Variants in A3GALT2 observed in about 807,000 individuals in gnomAD.
A3GALT2 encodes alpha 1,3-galactosyltransferase 2.
In A3GALT2, 14 loss-of-function variants were observed where a neutral mutation model predicts 16.6. The ratio of observed to expected loss-of-function variants is 0.84; its 90% CI spans 0.56 to 1.32. The LOEUF is 1.32. A3GALT2 is among the 40% of genes most tolerant of loss of function. The pLI, the probability that A3GALT2 is intolerant of heterozygous loss-of-function variation, is 0.00. For missense variants in A3GALT2, 600 were observed against 490.9 expected (o/e 1.22, Z -2.10); for synonymous variants, 253 against 218.0 (o/e 1.16, Z -1.42).
chr1:33,307,514 C>T, intron 4 of A3GALT2, 61 bp from the exon 5 acceptor site: 1 of 1,354,046 alleles, frequency 7.4e-7, no homozygotes, highest in South Asian at 1.6e-5. Context: ...GCCTCCCCAC[C>T]TCATCTCACC....
intron 4 of A3GALT2, among the ~76,000 whole-genome samples, chr1:33,308,752 T>G (rs1646216655): frequency 1.4e-5 from 1 of 72,062 alleles, no homozygotes; most frequent in Non-Finnish European, 2.5e-5. Flanking sequence ...TCAAAGTTGT[T>G]TTTTTTTTTT....
intron 1 of A3GALT2, among the ~76,000 whole-genome samples, chr1:33,316,726 C>T (rs1646263963): frequency 1.3e-5 from 2 of 152,062 alleles, no homozygotes; most frequent in Admixed American, 6.6e-5. Flanking sequence ...GAGAAGATGC[C>T]TGGTTGTCTG....
At position 33,306,862 on chromosome 1, in the gene A3GALT2, G is replaced by C. The variant is rs1196525855; in HGVS notation, c.927C>G (p.Pro309=). The C allele has an allele frequency of 5.3e-6, 8 of 1,514,612 alleles. No homozygotes were observed. The highest frequency in any genetic ancestry group is 7.0e-6 in the Non-Finnish European group (8 of 1,137,242). 93.8% of individuals were successfully genotyped at this position (1,514,612 alleles called of 1,614,324 possible). ...WLHKPAKVLS[P]EFCWSPDIGP... ...CGATGTCCGGGCTCCAGCAGAACTC[G>C]GGCGACAGCACCTTGGCGGGCTTGT... The change falls in exon 5 of 5, where the codon CCC becomes CCG. Residue 309 remains proline, a synonymous_variant. Transcript: ENST00000442999.
At chr1:33,311,541 G>T (rs1455933178) in intron 4 of A3GALT2, among the ~76,000 whole-genome samples, 1 of 152,060 alleles carries the variant, frequency 6.6e-6, no homozygotes, top group Non-Finnish European at 1.5e-5. Flanking sequence ...CCTCTGCCCA[G>T]TTCAGATTCA....
At chr1:33,312,281 G>A in intron 3 of A3GALT2, 92 bp from the exon 4 acceptor site, 1 of 1,543,514 alleles carries the variant, frequency 6.5e-7, no homozygotes, top group Non-Finnish European at 8.8e-7. Flanking sequence ...CTGAGCCCTA[G>A]GGACCCATAG....
intron 4 of A3GALT2, 74 bp from the exon 5 acceptor site, chr1:33,307,527 T>G: frequency 3.6e-6 from 4 of 1,117,086 alleles, no homozygotes; most frequent in Non-Finnish European, 4.5e-6. Context: ...ATCTCACCTC[T>G]ACTCCCACCC....
At position 33,320,912 on chromosome 1, in the gene A3GALT2, T is replaced by C. The variant is rs543689588; in HGVS notation, c.23+164A>G. ...GATTGTCTTTCTTCTCCTGGGGCAA[T>C]GTCCCCTCTCGGAGCCACCTTTCCC... On this transcript the variant is annotated intron_variant, in intron 1 of 4. Coordinates refer to ENST00000442999, the MANE Select transcript of A3GALT2 (RefSeq NM_001080438.1). The surrounding 1 kb of genome is among the most constrained non-coding windows in gnomAD (Gnocchi z 4.3). Among the ~76,000 whole-genome samples, 1 of 152,066 alleles carries C rather than the reference T, an allele frequency of 6.6e-6. No individual in the cohort carries two copies. The highest frequency in any genetic ancestry group is 2.1e-4 in the South Asian group (1 of 4,828).
intron 1 of A3GALT2, among the ~76,000 whole-genome samples, chr1:33,316,447 A>G (rs1252510721): frequency 6.6e-6 from 1 of 152,130 alleles, no homozygotes; most frequent in African/African-American, 2.4e-5. Context: ...AAACAAAACA[A>G]AAAACCCAAA....
At chr1:33,312,937 A>C (rs1301742239) in intron 1 of A3GALT2, 47 bp from the exon 2 acceptor site, 2 of 1,385,640 alleles carry the variant, frequency 1.4e-6, no homozygotes, top group Non-Finnish European at 2.0e-6. Context: ...ATGTATAGAC[A>C]CAAATATTTA....
rs1646201259 is a variant in A3GALT2, at chr1:33,307,472, C to T, written c.336-19G>A. The stretch of plus-strand genomic sequence containing the variant: ...CAGGTATCTAAGGGCGCGGCGCCAC[C>T]GTCAGCCTGAGAGTGAAGCGAGGCG... On this transcript the variant is annotated intron_variant, in intron 4 of 4. Transcript: ENST00000442999. 6 of 1,469,120 alleles carry T rather than the reference C, an allele frequency of 4.1e-6. No individual in the cohort carries two copies. The highest frequency in any genetic ancestry group is 2.0e-4 in the Middle Eastern group (1 of 4,914). 91.0% of individuals were successfully genotyped at this position (1,469,120 alleles called of 1,614,324 possible).
intron 4 of A3GALT2, among the ~76,000 whole-genome samples, chr1:33,308,430 C>A (rs1002403746): frequency 6.6e-6 from 1 of 152,010 alleles, no homozygotes; most frequent in Non-Finnish European, 1.5e-5. Flanking sequence ...TTTGAGATAG[C>A]GTTTCGCTCC....
chr1:33,317,302 T>G (rs957975556), intron 1 of A3GALT2, among the ~76,000 whole-genome samples: 1 of 152,152 alleles, frequency 6.6e-6, no homozygotes, highest in Non-Finnish European at 1.5e-5. Flanking sequence ...TAAGCAAGAA[T>G]AAAAACGTGC....
intron 1 of A3GALT2, among the ~76,000 whole-genome samples, chr1:33,317,819 C>CT (rs1202916650): frequency 5.9e-5 from 9 of 152,290 alleles, no homozygotes; most frequent in Admixed American, 3.3e-4. Flanking sequence ...TATTTACTGG[C>CT]TAAGTATCCC....
intron 1 of A3GALT2, among the ~76,000 whole-genome samples, chr1:33,319,065 C>T (rs145048821): frequency 5.3e-5 from 8 of 152,276 alleles, no homozygotes; most frequent in Non-Finnish European, 1.2e-4. Flanking sequence ...TGTGCCTGTC[C>T]TGTTAAAGGC....
At chr1:33,309,320 T>C (rs887316004) in intron 4 of A3GALT2, among the ~76,000 whole-genome samples, 1 of 152,084 alleles carries the variant, frequency 6.6e-6, no homozygotes, top group Non-Finnish European at 1.5e-5. Flanking sequence ...GCAGAGGGGC[T>C]CCTCACTTCC....
At position 33,307,131 on chromosome 1, in the gene A3GALT2, G is replaced by A; in HGVS notation, c.658C>T (p.Leu220=). ...PEALAESVAQ[L]HSWHYHWPSW... Reference sequence around the variant, plus strand: ...GGCCAGTGGTAGTGCCAGGAGTGCAGCTGCGCCACCGACTCGGCCAGCGCC... The same window carrying A: ...GGCCAGTGGTAGTGCCAGGAGTGCAACTGCGCCACCGACTCGGCCAGCGCC... The change falls in exon 5 of 5, where the codon CTG becomes TTG. Residue 220 remains leucine, a synonymous_variant. Transcript: ENST00000442999. 6.5e-7 allele frequency: 1 copy of A among 1,540,970 alleles called. No individual in the cohort carries two copies. The highest frequency in any genetic ancestry group is 8.7e-7 in the Non-Finnish European group (1 of 1,146,350).
chr1:33,316,211 A>C (rs1313708471), intron 1 of A3GALT2, among the ~76,000 whole-genome samples: 1 of 152,108 alleles, frequency 6.6e-6, no homozygotes, highest in Non-Finnish European at 1.5e-5. Context: ...AGTATGCAAA[A>C]GTGAGGAAGC....
Position 33,307,027 on chromosome 1 carries a change from G to C in A3GALT2, c.762C>G (p.His254Gln), listed in dbSNP as rs1369588456. ...CCACGCTGCCCCCGAACACCGCCGC[G>C]TGGTTATAGAAGTCGCCCTGGCCCC... ...MAWGQGDFYNHAAVFGGSVAA... is the reference protein window; with the variant it reads ...MAWGQGDFYNQAAVFGGSVAA... Residue 254 changes from histidine (H) to glutamine (Q), a missense_variant, in exon 5 of 5, where the codon CAC (histidine) becomes CAG (glutamine). Coordinates refer to ENST00000442999, the MANE Select transcript of A3GALT2 (RefSeq NM_001080438.1). The C allele has an allele frequency of 6.7e-7, 1 of 1,485,932 alleles. No individual in the cohort carries two copies. The highest frequency in any genetic ancestry group is 2.3e-5 in the Admixed American group (1 of 43,628). The allele number at this position is 1,485,932 out of a possible 1,614,324, so 92.0% of individuals were successfully genotyped here. A position where few individuals can be genotyped will look rare whatever the true frequency, so the allele number is the denominator to read the frequency against.
intron 1 of A3GALT2, among the ~76,000 whole-genome samples, chr1:33,318,099 A>G (rs1646269463): frequency 6.6e-6 from 1 of 152,196 alleles, no homozygotes. Context: ...TGGCAGGGGG[A>G]AGCATCTGTG....
Sources: allele counts gnomAD v4.1 joint callset (sites outside exome capture counted in the v4.1 genomes callset), GRCh38; gene constraint gnomAD v4.1.1; non-coding constraint Gnocchi (gnomAD v3.1); transcripts MANE v1.5; gene names NCBI Gene and HGNC (gene_info 2026-07-23, HGNC 2026-07-21).